The following ZSWIM6 variants were observed in gnomAD, a reference collection of about 807,000 sequenced individuals.
ZSWIM6 encodes zinc finger SWIM domain-containing protein 6.
In ZSWIM6, 9 loss-of-function variants were observed where a neutral mutation model predicts 113.2. That is an observed-to-expected ratio of 0.08 (90% CI 0.05 to 0.14). The LOEUF is 0.14. Among genes scored for constraint, ZSWIM6 ranks in the 10% least tolerant of loss-of-function variants. The pLI is 1.00. For synonymous variants in ZSWIM6, 611 were observed against 606.5 expected (o/e 1.01, Z -0.11); for missense variants, 1,162 against 1,552.2 (o/e 0.75, Z 4.22).
rs1389275964 is a variant in ZSWIM6 at position 61,526,282 on chromosome 5, G to A, written c.1723G>A (p.Ala575Thr). The A allele has an allele frequency of 3.2e-6, 5 of 1,551,680 alleles. No homozygotes were observed. The highest frequency in any genetic ancestry group is 1.4e-5 in the African/African-American group (1 of 73,016). The change falls in exon 7 of 14, where the codon GCA becomes ACA. Residue 575 changes from alanine to threonine, a missense_variant. By Grantham distance (58) the Ala-to-Thr change is moderately conservative (BLOSUM62 0). Coordinates refer to ENST00000252744, the MANE Select transcript of ZSWIM6 (RefSeq NM_020928.2). ...HVPTACARVDALRSHGYPREA... is the reference protein window; with the variant it reads ...HVPTACARVDTLRSHGYPREA... Reference sequence around the variant, plus strand: ...TCCTACAGCCTGTGCAAGAGTGGACGCATTACGTTCTCATGGGTACCCCAG... The same window carrying A: ...TCCTACAGCCTGTGCAAGAGTGGACACATTACGTTCTCATGGGTACCCCAG...
intron 4 of ZSWIM6, among the ~76,000 whole-genome samples, chr5:61,508,850 C>T (rs1748699508): frequency 6.6e-6 from 1 of 152,054 alleles, no homozygotes; most frequent in Non-Finnish European, 1.5e-5. Flanking sequence ...AAAGTCCATG[C>T]TATCCACATG....
intron 4 of ZSWIM6, among the ~76,000 whole-genome samples, chr5:61,494,911 A>T (rs1250590020): frequency 6.6e-6 from 1 of 152,138 alleles, no homozygotes; most frequent in Non-Finnish European, 1.5e-5. Context: ...TTGCTTCCTA[A>T]ATTCCTGGTG....
intron 1 of ZSWIM6, among the ~76,000 whole-genome samples, chr5:61,406,554 T>C (rs986887380): frequency 6.6e-6 from 1 of 152,156 alleles, no homozygotes; most frequent in Non-Finnish European, 1.5e-5. Flanking sequence ...TACATCTTTC[T>C]GGTAATTTTA....
chr5:61,543,478 A>G lies in ZSWIM6; in HGVS notation c.2809A>G (p.Met937Val). Residue 937 changes from methionine to valine, a missense_variant, in exon 14 of 14, where the codon ATG becomes GTG. Physicochemically the swap from Met to Val is conservative, Grantham distance 21. This residue lies in a region of ZSWIM6 where 620 missense variants were observed against 804.6 expected (regional missense o/e 0.77). Transcript: ENST00000252744. The surrounding 1 kb of genome is among the most constrained non-coding windows in gnomAD (Gnocchi z 4.3). ...AGGGGTTTATGCCCTGGACAGCATC[A>G]TGCAGACCTGGTTTACACTCTTTAC... is the stretch of plus-strand genomic sequence containing the variant. ...EVGVYALDSI[M>V]QTWFTLFTPT... 2 of 1,551,104 alleles carry G rather than the reference A, an allele frequency of 1.3e-6. No individual in the cohort carries two copies. Among genetic ancestry groups the G allele is most frequent in the African/African-American group, 2.7e-5 (2 of 73,150 alleles).
At chr5:61,350,424 T>G (rs1487072536) in intron 1 of ZSWIM6, among the ~76,000 whole-genome samples, 1 of 152,156 alleles carries the variant, frequency 6.6e-6, no homozygotes, top group Non-Finnish European at 1.5e-5. Context: ...TTATTTCTGG[T>G]CTCCGTCAGT....
intron 1 of ZSWIM6, among the ~76,000 whole-genome samples, chr5:61,351,751 T>G (rs1403520961): frequency 6.6e-6 from 1 of 152,202 alleles, no homozygotes; most frequent in Non-Finnish European, 1.5e-5. Flanking sequence ...GGATTAGCCA[T>G]CACATCAAGC....
At chr5:61,382,654 A>T (rs986396410) in intron 1 of ZSWIM6, among the ~76,000 whole-genome samples, 3 of 152,084 alleles carry the variant, frequency 2.0e-5, no homozygotes, top group South Asian at 2.1e-4. Context: ...AATACAAAAA[A>T]ATTAGCTGGG....
At chr5:61,387,164 C>A (rs1230304324) in intron 1 of ZSWIM6, among the ~76,000 whole-genome samples, 2 of 152,130 alleles carry the variant, frequency 1.3e-5, no homozygotes, top group Non-Finnish European at 2.9e-5. Context: ...TCTACACTTT[C>A]CCCCAGTCAG....
In ZSWIM6 at chr5:61,545,692, TACTC is replaced by T. The variant is rs1454956836; in HGVS notation, c.*1377_*1380del. On this transcript the variant is annotated 3_prime_UTR_variant, in exon 14 of 14. Transcript: ENST00000252744. The stretch of plus-strand genomic sequence containing the variant: ...AATATATTTTATTTTCTCTAGAAAT[TACTC>T]AAACAAAAGCAGCCTTCTATCTTGC... 1.3e-5 allele frequency: 2 copies of T among 152,152 alleles called. No homozygotes were observed. Among genetic ancestry groups the T allele is most frequent in the African/African-American group, 4.8e-5 (2 of 41,430 alleles). 9.4% of individuals were successfully genotyped at this position (152,152 alleles called of 1,614,324 possible).
Position 61,543,448 on chromosome 5 carries a change from C to T in ZSWIM6, c.2786-7C>T, listed in dbSNP as rs1749796605. ...TCAGTAATAGAGCCTGTTTGTGTTC[C>T]TTGCAGGGGTTTATGCCCTGGACAG... On this transcript the variant is annotated splice_region_variant and splice_polypyrimidine_tract_variant and intron_variant, in intron 13 of 13. Coordinates refer to ENST00000252744, the MANE Select transcript of ZSWIM6 (RefSeq NM_020928.2). The surrounding 1 kb of genome is among the most constrained non-coding windows in gnomAD (Gnocchi z 4.3). 3.2e-6 allele frequency: 5 copies of T among 1,543,730 alleles called. No homozygotes were observed. In the South Asian group the frequency reaches 4.8e-5, roughly 15 times the overall value.
chr5:61,544,135 C>T lies in ZSWIM6; in HGVS notation c.3466C>T (p.Arg1156Trp), dbSNP rs1349454564. 4 of 1,551,828 alleles carry T rather than the reference C, an allele frequency of 2.6e-6. No homozygotes were observed. Among genetic ancestry groups the T allele is most frequent in the Admixed American group, 2.0e-5 (1 of 51,000 alleles). The change falls in exon 14 of 14, where the codon CGG becomes TGG. Residue 1156 changes from arginine (R) to tryptophan (W), a missense_variant. Transcript: ENST00000252744. ...IGAYINTTHS[R>W]LTHISPRHYS... ...GGCCTACATCAACACAACGCACTCA[C>T]GGCTCACACACATCAGTCCTCGGCA... is the stretch of plus-strand genomic sequence containing the variant.
chr5:61,480,606 T>G (rs1003635319), intron 2 of ZSWIM6, among the ~76,000 whole-genome samples: 1 of 152,174 alleles, frequency 6.6e-6, no homozygotes, highest in African/African-American at 2.4e-5. Flanking sequence ...AAATTGTAAA[T>G]TGAAATAAAG....
rs1449628998 is a variant in ZSWIM6 at position 61,525,965 on chromosome 5, C to G, written c.1679C>G (p.Pro560Arg). Residue 560 changes from proline to arginine, a missense_variant, in exon 6 of 14, where the codon CCC (proline) becomes CGC (arginine). This residue lies in a region of ZSWIM6 where 620 missense variants were observed against 804.6 expected (regional missense o/e 0.77). Coordinates refer to ENST00000252744, the MANE Select transcript of ZSWIM6 (RefSeq NM_020928.2). ...TCCCTCTTCGACTCCCGCGGGTGGC[C>G]CCTCTGGCATGGTAAGTGACCAAAC... ...ENSLFDSRGW[P>R]LWHEHVPTAC... 10 of 1,551,902 alleles carry G rather than the reference C, an allele frequency of 6.4e-6. No individual in the cohort carries two copies. Among genetic ancestry groups the G allele is most frequent in the African/African-American group, 1.4e-5 (1 of 72,986 alleles).
chr5:61,528,591 CTT>C (rs577009372), intron 7 of ZSWIM6, among the ~76,000 whole-genome samples: 17 of 143,632 alleles, frequency 1.2e-4, no homozygotes, highest in Admixed American at 2.1e-4. Flanking sequence ...CGTTTTTCCT[CTT>C]TTTTTTTTTT....
intron 7 of ZSWIM6, among the ~76,000 whole-genome samples, chr5:61,527,098 G>A (rs1189015516): frequency 1.3e-5 from 2 of 152,102 alleles, no homozygotes; most frequent in Non-Finnish European, 2.9e-5. Context: ...CTTTATCTCA[G>A]TTTATTAATC....
At chr5:61,364,213 A>G (rs1209909845) in intron 1 of ZSWIM6, among the ~76,000 whole-genome samples, 1 of 151,904 alleles carries the variant, frequency 6.6e-6, no homozygotes, top group Non-Finnish European at 1.5e-5. Context: ...CCCGGCCCAT[A>G]GTTTCTATTT....
At chr5:61,491,329 T>A (rs1262913838) in intron 3 of ZSWIM6, among the ~76,000 whole-genome samples, 1 of 152,106 alleles carries the variant, frequency 6.6e-6, no homozygotes, top group Non-Finnish European at 1.5e-5. Context: ...AGTTTAATAA[T>A]GTCAGTATCT....
chr5:61,482,107 G>A (rs1747881518), intron 2 of ZSWIM6, among the ~76,000 whole-genome samples: 1 of 152,172 alleles, frequency 6.6e-6, no homozygotes, highest in Non-Finnish European at 1.5e-5. Context: ...GCTAAATGTT[G>A]AGAGGTTTGT....
At chr5:61,384,197 C>A (rs1485555450) in intron 1 of ZSWIM6, among the ~76,000 whole-genome samples, 1 of 146,788 alleles carries the variant, frequency 6.8e-6, no homozygotes, top group Non-Finnish European at 1.5e-5. Context: ...GCCGAGATTG[C>A]GCCACTGCAG....
Sources: allele counts gnomAD v4.1 joint callset (sites outside exome capture counted in the v4.1 genomes callset), GRCh38; gene constraint gnomAD v4.1.1; regional missense constraint gnomAD v4.1.1; non-coding constraint Gnocchi (gnomAD v3.1); transcripts MANE v1.5; gene names NCBI Gene and HGNC (gene_info 2026-07-23, HGNC 2026-07-21).